NLGN1: variants seen among roughly 807,000 people sequenced by gnomAD.
The protein encoded by NLGN1 is neuroligin-1.
NLGN1 carries 12 observed loss-of-function variants against 65.5 expected under a neutral mutation model. The ratio of observed to expected loss-of-function variants is 0.18; its 90% CI spans 0.12 to 0.30. The LOEUF (loss-of-function observed/expected upper bound fraction) is 0.30, where lower values mean the gene tolerates loss of function less well. Among genes scored for constraint, NLGN1 ranks in the 10% least tolerant of loss-of-function variants. The pLI is 1.00. For synonymous variants in NLGN1, 350 were observed against 359.5 expected (o/e 0.97, Z 0.30); for missense variants, 750 against 1,007.1 (o/e 0.74, Z 3.46).
intron 2 of NLGN1, among the ~76,000 whole-genome samples, chr3:173,454,235 T>G (rs2148861391): frequency 6.6e-6 from 1 of 152,302 alleles, no homozygotes; most frequent in African/African-American, 2.4e-5. Flanking sequence ...GATATTCTAT[T>G]TATAGAGCAT....
chr3:174,226,608 A>C lies in NLGN1; in HGVS notation c.647-48707A>C, dbSNP rs1739749023. ...CTAGTTTTTGTCAAGCTCAGCTTTT[A>C]AAAAGACTCATGATGCACTGAATTT... On this transcript the variant is annotated intron_variant, in intron 4 of 6. Coordinates refer to ENST00000457714, the Ensembl canonical transcript of NLGN1. Among the ~76,000 whole-genome samples the C allele has an allele frequency of 3.3e-5, 5 of 152,290 alleles. 1 individual carries two copies. The South Asian group carries it at 1.0e-3, about 32-fold the overall frequency.
intron 4 of NLGN1, among the ~76,000 whole-genome samples, chr3:174,099,679 GC>G (rs1711945159): frequency 6.6e-6 from 1 of 151,982 alleles, no homozygotes; most frequent in Admixed American, 6.6e-5. Flanking sequence ...CACCATTTTA[GC>G]CTTTTAGTAT....
intron 4 of NLGN1, among the ~76,000 whole-genome samples, chr3:173,827,738 C>A (rs964445375): frequency 6.6e-6 from 1 of 151,146 alleles, no homozygotes; most frequent in African/African-American, 2.4e-5. Context: ...CACCATTTTC[C>A]ATCTGCAAGC....
intron 1 of NLGN1, among the ~76,000 whole-genome samples, chr3:173,408,626 G>A (rs544926661): frequency 3.3e-5 from 5 of 152,192 alleles, no homozygotes; most frequent in East Asian, 3.9e-4. Context: ...AAGAATAGGC[G>A]CATTGGCCGG....
rs545991640 is a variant in NLGN1 at position 173,974,227 on chromosome 3, C to A, written c.646+166395C>A. Among the ~76,000 whole-genome samples, 16 of 147,258 alleles carry A rather than the reference C, an allele frequency of 1.1e-4. No homozygotes were observed. The South Asian group carries it at 1.9e-3, about 18-fold the overall frequency. The stretch of plus-strand genomic sequence containing the variant: ...TATTTGATGAAAGATTTACTTCATT[C>A]CAAAAAAAAAAAAAGGTTTTGTTAT... On this transcript the variant is annotated intron_variant, in intron 4 of 6. Coordinates refer to ENST00000457714, the Ensembl canonical transcript of NLGN1.
chr3:173,747,059 TACACACACACACACACAC>T (rs3033827), intron 3 of NLGN1, among the ~76,000 whole-genome samples: 59 of 130,404 alleles, frequency 4.5e-4, no homozygotes, highest in Admixed American at 1.1e-3. Context: ...AAATTATATA[TACACACACACACACACAC>T]ACACACACAC....
intron 1 of NLGN1, among the ~76,000 whole-genome samples, chr3:173,404,974 TA>T (rs988781721): frequency 1.3e-5 from 2 of 152,162 alleles, no homozygotes; most frequent in Non-Finnish European, 2.9e-5. Context: ...GGAGGATTTT[TA>T]GACAAATAGA....
At chr3:173,729,925 T>A (rs958229348) in intron 3 of NLGN1, among the ~76,000 whole-genome samples, 10 of 152,016 alleles carry the variant, frequency 6.6e-5, no homozygotes, top group African/African-American at 2.4e-4. Context: ...TTTCAGATAT[T>A]TCACCTATGG....
exon 7 of NLGN1, chr3:174,284,137 T>C (rs1242514191): frequency 3.3e-5 from 5 of 151,356 alleles, no homozygotes; most frequent in Non-Finnish European, 5.9e-5. Context: ...GCCCTATTAA[T>C]TATTTTCTCT....
intron 4 of NLGN1, among the ~76,000 whole-genome samples, chr3:174,052,312 GTT>G (rs1735078638): frequency 6.6e-6 from 1 of 151,840 alleles, no homozygotes; most frequent in African/African-American, 2.4e-5. Context: ...TTGATAGCAT[GTT>G]CTACTTTTTT....
At chr3:173,605,884 G>T (rs1751329722) in intron 3 of NLGN1, among the ~76,000 whole-genome samples, 1 of 152,030 alleles carries the variant, frequency 6.6e-6, no homozygotes, top group Non-Finnish European at 1.5e-5. Flanking sequence ...AGGCTATTAT[G>T]ATACCTGCAA....
At chr3:174,143,614 T>G (rs7637198) in intron 4 of NLGN1, among the ~76,000 whole-genome samples, 23,300 of 152,078 alleles carry the variant, frequency 0.15, 3,344 homozygotes, top group African/African-American at 0.37. Context: ...ACTTTATGAC[T>G]TGCTGATGGA....
chr3:173,947,262 T>C (rs910694960), intron 4 of NLGN1, among the ~76,000 whole-genome samples: 1 of 152,024 alleles, frequency 6.6e-6, no homozygotes, highest in Non-Finnish European at 1.5e-5. Flanking sequence ...CCTCCGGTGA[T>C]CTGCCCGCTT....
At chr3:173,918,631 A>G (rs1198515612) in intron 4 of NLGN1, among the ~76,000 whole-genome samples, 84 of 64,780 alleles carry the variant, frequency 1.3e-3, no homozygotes, top group African/African-American at 8.2e-3. Flanking sequence ...ACTCCATCTC[A>G]AAAAAAAAAA....
At chr3:173,426,957 G>A (rs1477306942) in intron 1 of NLGN1, among the ~76,000 whole-genome samples, 4 of 151,862 alleles carry the variant, frequency 2.6e-5, no homozygotes, top group Non-Finnish European at 4.4e-5. Flanking sequence ...ATCTGGTTAC[G>A]GACTTTCTTT....
chr3:174,238,350 T>G (rs909028825), intron 4 of NLGN1, among the ~76,000 whole-genome samples: 3 of 149,884 alleles, frequency 2.0e-5, no homozygotes, highest in Non-Finnish European at 2.9e-5. Flanking sequence ...TTCTTCACTA[T>G]TATGAAGTTC....
chr3:173,463,285 C>T (rs1164721025), intron 2 of NLGN1, among the ~76,000 whole-genome samples: 2 of 152,120 alleles, frequency 1.3e-5, no homozygotes, highest in Admixed American at 6.6e-5. Flanking sequence ...GAACATTATT[C>T]ATTGTAAACA....
chr3:174,034,109 C>CA (rs1730616305), intron 4 of NLGN1, among the ~76,000 whole-genome samples: 1 of 152,060 alleles, frequency 6.6e-6, no homozygotes, highest in South Asian at 2.1e-4. Flanking sequence ...ATAAGAATTA[C>CA]ATGAACCTTC....
At chr3:174,175,003 CAGAG>C (rs1249895067) in intron 4 of NLGN1, among the ~76,000 whole-genome samples, 1 of 151,844 alleles carries the variant, frequency 6.6e-6, no homozygotes, top group Non-Finnish European at 1.5e-5. Context: ...TCATTGTGGT[CAGAG>C]AGATGCTTGA....
Sources: allele counts gnomAD v4.1 joint callset (sites outside exome capture counted in the v4.1 genomes callset), GRCh38; gene constraint gnomAD v4.1.1; transcripts MANE v1.5; gene names NCBI Gene and HGNC (gene_info 2026-07-23, HGNC 2026-07-21).